The following DPF3 variants were observed in gnomAD, a reference collection of about 807,000 sequenced individuals.
DPF3 encodes double PHD fingers 3, also known as zinc finger protein DPF3.
DPF3 carries 18 observed loss-of-function variants against 56.8 expected under a neutral mutation model. The ratio of observed to expected loss-of-function variants is 0.32; its 90% CI spans 0.22 to 0.47. The LOEUF is 0.47. Ranked by LOEUF, DPF3 falls within the 20% of genes least tolerant of loss-of-function variation. DPF3 has a pLI of 1.00. For missense variants in DPF3, 403 were observed against 488.8 expected, an observed-to-expected ratio of 0.82 and a Z score of 1.65; for synonymous variants, 188 against 180.2, an observed-to-expected ratio of 1.04 and a Z score of -0.35.
intron 1 of DPF3, among the ~76,000 whole-genome samples, chr14:72,884,944 A>ATATATATATATATG: frequency 1.5e-5 from 1 of 67,652 alleles, no homozygotes; most frequent in South Asian, 5.3e-4. Flanking sequence ...AAAATACTAT[A>ATATATATATATATG]TATATATATA....
At chr14:72,850,067 C>T (rs1318401439) in intron 1 of DPF3, among the ~76,000 whole-genome samples, 1 of 151,668 alleles carries the variant, frequency 6.6e-6, no homozygotes. Context: ...TGCAGTGAGC[C>T]GAGATCATAC....
At chr14:72,766,234 A>G (rs1891281381) in intron 2 of DPF3, among the ~76,000 whole-genome samples, 1 of 152,210 alleles carries the variant, frequency 6.6e-6, no homozygotes, top group Non-Finnish European at 1.5e-5. Flanking sequence ...TGCTTCTGGA[A>G]AGATGAAATA....
intron 8 of DPF3, among the ~76,000 whole-genome samples, chr14:72,637,176 G>T (rs571548413): frequency 1.4e-3 from 210 of 152,274 alleles, no homozygotes; most frequent in African/African-American, 4.7e-3. Context: ...ATTCTCAAAT[G>T]GTCCTAGAAA....
intron 1 of DPF3, chr14:72,836,592 T>C (rs1884307158): frequency 1.1e-6 from 1 of 917,924 alleles, no homozygotes; most frequent in Non-Finnish European, 1.3e-6. Flanking sequence ...TCTGGATGAA[T>C]TTTTCCCCCT....
rs140624758 is a variant in DPF3, at chr14:72,822,469, T to C, written c.33-50576A>G. The stretch of plus-strand genomic sequence containing the variant: ...AACAGGGCACTTGGAATGCTACTAT[T>C]TGAAGGGAGAAAAAAATAAAAGGAC... On this transcript the variant is annotated intron_variant, in intron 1 of 10. Coordinates refer to ENST00000556509, the MANE Select transcript of DPF3 (RefSeq NM_001280542.3). Among the ~76,000 whole-genome samples, 1,178 of 152,250 alleles carry C rather than the reference T, an allele frequency of 7.7e-3. 12 individuals are homozygous for C. The highest frequency in any genetic ancestry group is 0.027 in the African/African-American group (1,120 of 41,530).
At position 72,890,895 on chromosome 14, in the gene DPF3, C is replaced by T. The variant is rs79242514; in HGVS notation, c.32+3162G>A. Among the ~76,000 whole-genome samples the T allele has an allele frequency of 9.1e-4, 139 of 151,934 alleles. 1 individual carries two copies. In the East Asian group the frequency reaches 0.023, roughly 25 times the overall value. On this transcript the variant is annotated intron_variant, in intron 1 of 10. Coordinates refer to ENST00000556509, the MANE Select transcript of DPF3 (RefSeq NM_001280542.3). ...TTGGGCAGTAATAAGATGTTAAAGG[C>T]GACAACAGAGAGAGAAGCTGGGCTG...
At chr14:72,892,413 C>T (rs1372120169) in intron 1 of DPF3, 2 of 1,491,970 alleles carry the variant, frequency 1.3e-6, no homozygotes, top group East Asian at 4.9e-5. Flanking sequence ...AGAACTGAAG[C>T]CAGGAGCTCC....
At chr14:72,771,086 G>A (rs568151487) in intron 2 of DPF3, among the ~76,000 whole-genome samples, 45 of 151,622 alleles carry the variant, frequency 3.0e-4, no homozygotes, top group Non-Finnish European at 2.6e-4. Flanking sequence ...TGAAGCATGA[G>A]AATCACTTGA....
chr14:72,724,778 G>A (rs2536141), intron 4 of DPF3, among the ~76,000 whole-genome samples: 17,629 of 150,486 alleles, frequency 0.12, 1,140 homozygotes, highest in Middle Eastern at 0.2. Flanking sequence ...GCACAATCAC[G>A]GCTCAATGCA....
intron 8 of DPF3, among the ~76,000 whole-genome samples, chr14:72,665,147 C>T (rs1192240544): frequency 6.7e-6 from 1 of 150,054 alleles, no homozygotes; most frequent in African/African-American, 2.5e-5. Flanking sequence ...TTCTTGTCTA[C>T]TGAGATCCAT....
chr14:72,694,436 G>C lies in DPF3; in HGVS notation c.605-1223C>G, dbSNP rs544622209. On this transcript the variant is annotated intron_variant, in intron 6 of 10. Coordinates refer to ENST00000556509, the MANE Select transcript of DPF3 (RefSeq NM_001280542.3). ...ACAAGGTGGGAAGAGCACAACTTTAGCATCAGGCCTGGGTTCAAATCCCAG... is the reference window on the plus strand; with the variant it reads ...ACAAGGTGGGAAGAGCACAACTTTACCATCAGGCCTGGGTTCAAATCCCAG... 7.2e-5 allele frequency among the ~76,000 whole-genome samples: 11 copies of C among 152,332 alleles called. No individual in the cohort carries two copies. The South Asian group carries it at 2.1e-3, about 29-fold the overall frequency.
At chr14:72,662,516 C>T in intron 8 of DPF3, 1 of 985,082 alleles carries the variant, frequency 1.0e-6, no homozygotes, top group South Asian at 4.7e-5. Context: ...TAGAGTAATT[C>T]CAGGCGGACC....
At chr14:72,826,284 G>A (rs1201871329) in intron 1 of DPF3, among the ~76,000 whole-genome samples, 1 of 152,176 alleles carries the variant, frequency 6.6e-6, no homozygotes, top group African/African-American at 2.4e-5. Context: ...GATGATAATG[G>A]TTTTTAATGG....
intron 7 of DPF3, among the ~76,000 whole-genome samples, chr14:72,676,249 AG>A (rs1359623249): frequency 6.6e-6 from 1 of 152,198 alleles, no homozygotes; most frequent in African/African-American, 2.4e-5. Context: ...GTTGTTACTT[AG>A]GTAGCTTCCT....
chr14:72,767,615 A>C (rs1394099800), intron 2 of DPF3, among the ~76,000 whole-genome samples: 2 of 152,128 alleles, frequency 1.3e-5, no homozygotes, highest in African/African-American at 4.8e-5. Flanking sequence ...AATTTTAAAA[A>C]TAAATGAACA....
chr14:72,885,461 T>C (rs1009564672), intron 1 of DPF3, among the ~76,000 whole-genome samples: 1 of 152,020 alleles, frequency 6.6e-6, no homozygotes, highest in Admixed American at 6.6e-5. Context: ...TGGAGTACAG[T>C]AGCGTGATCA....
chr14:72,703,583 T>C (rs1323561600), intron 6 of DPF3, among the ~76,000 whole-genome samples: 3 of 152,120 alleles, frequency 2.0e-5, no homozygotes, highest in Non-Finnish European at 4.4e-5. Flanking sequence ...AGAAGCCGGG[T>C]AACAGAATGC....
At chr14:72,843,250 G>T (rs1030320335) in intron 1 of DPF3, among the ~76,000 whole-genome samples, 4 of 152,114 alleles carry the variant, frequency 2.6e-5, no homozygotes, top group African/African-American at 9.7e-5. Context: ...ACCTAGATGT[G>T]CAGCCTCTAC....
At chr14:72,754,640 C>A (rs1032162690) in intron 2 of DPF3, among the ~76,000 whole-genome samples, 3 of 152,228 alleles carry the variant, frequency 2.0e-5, no homozygotes, top group African/African-American at 7.2e-5. Context: ...TGATTCCCAT[C>A]TGCCGTCTTC....
Sources: gnomAD v4.1 joint callset for allele counts (sites outside exome capture counted in the v4.1 genomes callset) on GRCh38, gnomAD v4.1.1 for gene constraint, MANE v1.5 for transcripts, NCBI Gene and HGNC (gene_info 2026-07-23, HGNC 2026-07-21) for gene names.